The following ADK variants were observed in gnomAD, a reference collection of about 807,000 sequenced individuals.
ADK encodes the protein adenosine kinase, also known as N6,N6-dimethyladenosine kinase.
Under a neutral mutation model 44.7 loss-of-function variants are expected in ADK, and 24 were observed. The observed-to-expected ratio is 0.54, with a 90% CI of 0.39 to 0.76. The LOEUF (loss-of-function observed/expected upper bound fraction) is 0.76, where lower values mean the gene tolerates loss of function less well. Among genes scored for constraint, ADK ranks in the 30% least tolerant of loss-of-function variants. ADK has a pLI of 0.00. For synonymous variants in ADK, 128 were observed against 142.6 expected (o/e 0.90, Z 0.73); for missense variants, 321 against 425.1 (o/e 0.76, Z 2.15).
intron 9 of ADK, among the ~76,000 whole-genome samples, chr10:74,614,672 T>C (rs1257042974): frequency 1.3e-5 from 2 of 151,580 alleles, no homozygotes. Context: ...TCTCCATCCA[T>C]TTTTGTGCAC....
At chr10:74,436,842 A>G (rs1246633883) in intron 6 of ADK, among the ~76,000 whole-genome samples, 1 of 152,200 alleles carries the variant, frequency 6.6e-6, no homozygotes, top group Non-Finnish European at 1.5e-5. Flanking sequence ...GGGGTAATCA[A>G]ATTTCTACTG....
intron 6 of ADK, among the ~76,000 whole-genome samples, chr10:74,491,124 T>G (rs1589165036): frequency 6.6e-6 from 1 of 152,100 alleles, no homozygotes; most frequent in East Asian, 1.9e-4. Context: ...CGGATCAGCT[T>G]AAAATGGACA....
intron 4 of ADK, among the ~76,000 whole-genome samples, chr10:74,368,428 G>GTT (rs879333233): frequency 2.1e-5 from 3 of 145,462 alleles, no homozygotes; most frequent in East Asian, 2.0e-4. Flanking sequence ...CTTTTGCAGT[G>GTT]TTTTTTTTTT....
chr10:74,644,307 GTTC>G (rs1853982626), intron 9 of ADK, among the ~76,000 whole-genome samples: 1 of 152,202 alleles, frequency 6.6e-6, no homozygotes, highest in Admixed American at 6.5e-5. Context: ...AGGAAGTACA[GTTC>G]TTATGAACAG....
intron 6 of ADK, among the ~76,000 whole-genome samples, chr10:74,462,979 T>A (rs1366728076): frequency 2.0e-5 from 3 of 152,176 alleles, no homozygotes; most frequent in Admixed American, 2.0e-4. Context: ...CTCAAGCCTG[T>A]CTCCTGGAAT....
chr10:74,247,357 GCCT>G (rs1845465028), intron 3 of ADK, among the ~76,000 whole-genome samples: 1 of 149,556 alleles, frequency 6.7e-6, no homozygotes, highest in African/African-American at 2.5e-5. Flanking sequence ...TCCCACCTCA[GCCT>G]CCTGAGTACC....
chr10:74,507,505 G>A (rs1040429102), intron 6 of ADK, among the ~76,000 whole-genome samples: 13 of 151,798 alleles, frequency 8.6e-5, no homozygotes, highest in African/African-American at 2.4e-4. Context: ...CTCAGCTTCT[G>A]TGGAGGCTGT....
intron 3 of ADK, among the ~76,000 whole-genome samples, chr10:74,244,056 T>C (rs1186358787): frequency 6.6e-6 from 1 of 152,186 alleles, no homozygotes; most frequent in Non-Finnish European, 1.5e-5. Context: ...AGCTTTACAA[T>C]AATTACATTG....
chr10:74,573,256 G>C (rs866210725), intron 7 of ADK, among the ~76,000 whole-genome samples: 1 of 152,158 alleles, frequency 6.6e-6, no homozygotes, highest in Non-Finnish European at 1.5e-5. Context: ...GTTGGAGTTT[G>C]CTAGAGGTCC....
In ADK at chr10:74,451,774, A is replaced by G. The variant is rs191653309; in HGVS notation, c.555+53195A>G. Among the ~76,000 whole-genome samples the G allele has an allele frequency of 2.0e-5, 3 of 152,270 alleles. No homozygotes were observed. In the East Asian group the frequency reaches 5.8e-4, roughly 29 times the overall value. ...CTTTTTACAAAGAAGTAAATGATAG[A>G]ACAAAATCATCCTAAAATGAAGGAA... On this transcript the variant is annotated intron_variant, in intron 6 of 10. Transcript: ENST00000539909.
chr10:74,394,705 C>CAG (rs377693836), intron 5 of ADK, among the ~76,000 whole-genome samples: 4 of 151,988 alleles, frequency 2.6e-5, no homozygotes, highest in Admixed American at 6.6e-5. Flanking sequence ...GACAGAGAGA[C>CAG]AGAGAGAGAG....
chr10:74,220,111 A>G (rs1001846828), intron 2 of ADK, among the ~76,000 whole-genome samples: 1 of 152,184 alleles, frequency 6.6e-6, no homozygotes, highest in Non-Finnish European at 1.5e-5. Context: ...AACAAAATTG[A>G]TAGACCACTA....
chr10:74,191,024 A>G (rs1161188272), intron 1 of ADK, among the ~76,000 whole-genome samples: 7 of 138,646 alleles, frequency 5.0e-5, no homozygotes, highest in Non-Finnish European at 7.6e-5. Context: ...ATTGTCGCCC[A>G]GGCTGAAGTG....
chr10:74,243,482 T>C (rs1845302424), intron 3 of ADK, among the ~76,000 whole-genome samples: 1 of 152,248 alleles, frequency 6.6e-6, no homozygotes, highest in South Asian at 2.1e-4. Flanking sequence ...TATGTGTCTG[T>C]TTTAGTTCAT....
At chr10:74,309,361 C>T (rs1840360840) in intron 3 of ADK, among the ~76,000 whole-genome samples, 1 of 152,028 alleles carries the variant, frequency 6.6e-6, no homozygotes, top group African/African-American at 2.4e-5. Context: ...CTTAATATAT[C>T]CTTGATTACT....
At chr10:74,627,747 C>G (rs1457514303) in intron 9 of ADK, among the ~76,000 whole-genome samples, 2 of 152,136 alleles carry the variant, frequency 1.3e-5, no homozygotes, top group Non-Finnish European at 2.9e-5. Context: ...ATCCTCCCAC[C>G]TCAACCTCCC....
chr10:74,376,578 A>G (rs1842825772), intron 4 of ADK, among the ~76,000 whole-genome samples: 1 of 152,104 alleles, frequency 6.6e-6, no homozygotes, highest in South Asian at 2.1e-4. Context: ...TTGCCTGAGA[A>G]TGGTCTCAAA....
In ADK at chr10:74,698,134, G is replaced by A. The variant is rs557593008; in HGVS notation, c.965-10187G>A. Reference sequence around the variant, plus strand: ...ATGAGAGATTCTCACCTTATGCCTCGTCAGCTAGAGGACCTAAAGTCTATA... The same window carrying A: ...ATGAGAGATTCTCACCTTATGCCTCATCAGCTAGAGGACCTAAAGTCTATA... On this transcript the variant is annotated intron_variant, in intron 10 of 10. Coordinates refer to ENST00000539909, the MANE Select transcript of ADK (RefSeq NM_006721.4). Among the ~76,000 whole-genome samples, 15 of 152,294 alleles carry A rather than the reference G, an allele frequency of 9.8e-5. No individual in the cohort carries two copies. The South Asian group carries it at 1.2e-3, about 13-fold the overall frequency.
intron 3 of ADK, among the ~76,000 whole-genome samples, chr10:74,301,896 A>G (rs1486132465): frequency 1.3e-5 from 2 of 152,060 alleles, no homozygotes; most frequent in African/African-American, 2.4e-5. Flanking sequence ...TAGAAAAGTT[A>G]GTTGTCTTCA....
Sources: gnomAD v4.1 joint callset for allele counts (sites outside exome capture counted in the v4.1 genomes callset) on GRCh38, gnomAD v4.1.1 for gene constraint, MANE v1.5 for transcripts, NCBI Gene and HGNC (gene_info 2026-07-23, HGNC 2026-07-21) for gene names.